RYR2: variants seen among roughly 807,000 people sequenced by gnomAD.
RYR2 encodes the protein ryanodine receptor 2.
A neutral mutation model predicts 601.1 loss-of-function variants in RYR2; 227 were observed. That is an observed-to-expected ratio of 0.38 (90% CI 0.34 to 0.42). The LOEUF (loss-of-function observed/expected upper bound fraction) is 0.42, where lower values mean the gene tolerates loss of function less well. RYR2 is among the 10% of genes least tolerant of loss of function. The pLI is 1.00. For synonymous variants in RYR2, 2,223 were observed against 2,175.1 expected (o/e 1.02, Z -0.61); for missense variants, 4,646 against 6,156.5 (o/e 0.75, Z 8.21).
chr1:237,755,916 C>T (rs1273689849), intron 80 of RYR2, among the ~76,000 whole-genome samples: 3 of 152,096 alleles, frequency 2.0e-5, no homozygotes, highest in African/African-American at 7.2e-5. Flanking sequence ...ATGGCCATGG[C>T]ATGGGAGATT....
At chr1:237,474,666 C>G (rs995465895) in intron 17 of RYR2, among the ~76,000 whole-genome samples, 9 of 152,106 alleles carry the variant, frequency 5.9e-5, no homozygotes, top group African/African-American at 2.2e-4. Flanking sequence ...AGCTAAACTC[C>G]CTGGGAGAGC....
intron 73 of RYR2, among the ~76,000 whole-genome samples, chr1:237,720,422 T>G (rs1029532168): frequency 3.3e-5 from 5 of 152,254 alleles, no homozygotes; most frequent in African/African-American, 1.2e-4. Flanking sequence ...AGAGCAAATT[T>G]CATGTGAAGT....
intron 34 of RYR2, among the ~76,000 whole-genome samples, chr1:237,601,618 G>T (rs1676513838): frequency 6.6e-6 from 1 of 152,100 alleles, no homozygotes; most frequent in Non-Finnish European, 1.5e-5. Flanking sequence ...AATGAAAAAT[G>T]TTCAAAGTGA....
intron 63 of RYR2, among the ~76,000 whole-genome samples, chr1:237,693,912 T>G (rs1687172062): frequency 6.6e-6 from 1 of 152,196 alleles, no homozygotes; most frequent in Admixed American, 6.5e-5. Context: ...CTGTCTTATC[T>G]CAGAAGTTAT....
chr1:237,658,080 A>G, intron 54 of RYR2, 58 bp downstream of exon 54: 1 of 988,298 alleles, frequency 1.0e-6, no homozygotes. Flanking sequence ...GTCACTGTTC[A>G]AATATTTCTG....
At chr1:237,522,853 CTGAATGCA>C (rs1444268420) in intron 24 of RYR2, among the ~76,000 whole-genome samples, 1 of 152,104 alleles carries the variant, frequency 6.6e-6, no homozygotes, top group Non-Finnish European at 1.5e-5. Context: ...TAAATATTTA[CTGAATGCA>C]TGTAAGGCCA....
intron 34 of RYR2, among the ~76,000 whole-genome samples, chr1:237,596,547 G>A (rs3891738): frequency 2.6e-5 from 4 of 152,108 alleles, no homozygotes; most frequent in Admixed American, 1.3e-4. Flanking sequence ...AAAGCCTATA[G>A]AACTTATGGG....
At chr1:237,081,235 C>G (rs186216445) in intron 1 of RYR2, among the ~76,000 whole-genome samples, 1,401 of 112,104 alleles carry the variant, frequency 0.012, 24 homozygotes, top group African/African-American at 0.046. Flanking sequence ...ACATATGTAA[C>G]TAACCTGCAC....
intron 36 of RYR2, among the ~76,000 whole-genome samples, chr1:237,612,648 G>GT (rs1488738562): frequency 1.3e-5 from 2 of 151,930 alleles, no homozygotes; most frequent in African/African-American, 4.8e-5. Flanking sequence ...ATCTGATGAT[G>GT]TTTTTTAAGA....
rs745395081 is a variant in RYR2 at position 237,454,587 on chromosome 1, C to G, written c.1476+13C>G. On this transcript the variant is annotated intron_variant, in intron 15 of 104. Transcript: ENST00000366574. Reference sequence around the variant, plus strand: ...CTTCCAGGAAGAGGTCCGTTTCTATCAACACTCATTTCTCTTCTGTTATTC... The same window carrying G: ...CTTCCAGGAAGAGGTCCGTTTCTATGAACACTCATTTCTCTTCTGTTATTC... The G allele has an allele frequency of 6.2e-7, 1 of 1,610,638 alleles. No homozygotes were observed. The highest frequency in any genetic ancestry group is 1.3e-5 in the African/African-American group (1 of 74,830).
In RYR2 at chr1:237,530,310, C is replaced by CAA. The variant is rs34521733; in HGVS notation, c.2823-103_2823-102dup. 22,181 of 580,800 alleles carry CAA rather than the reference C, an allele frequency of 0.038. 2 individuals are homozygous for CAA. Among genetic ancestry groups the CAA allele is most frequent in the East Asian group, 0.055 (1,558 of 28,578 alleles). 36.0% of individuals were successfully genotyped at this position (580,800 alleles called of 1,614,324 possible). On this transcript the variant is annotated intron_variant, in intron 24 of 104. Coordinates refer to ENST00000366574, the MANE Select transcript of RYR2 (RefSeq NM_001035.3). ...TGGGCGACAGAGCGAGACTCCGTCT[C>CAA]AAAAAAAAAAAAAAATTGTGCTTTC...
In RYR2 at chr1:237,563,498, G is replaced by T. The variant is rs551292259; in HGVS notation, c.3215-3069G>T. 2.7e-5 allele frequency among the ~76,000 whole-genome samples: 4 copies of T among 150,014 alleles called. No individual in the cohort carries two copies. The South Asian group carries it at 6.3e-4, about 24-fold the overall frequency. Reference sequence around the variant, plus strand: ...TCCTTTTTTTTTTGTGAAGTCCCTTGCATGATAGTATCTGTGAACCACATG... The same window carrying T: ...TCCTTTTTTTTTTGTGAAGTCCCTTTCATGATAGTATCTGTGAACCACATG... On this transcript the variant is annotated intron_variant, in intron 27 of 104. Coordinates refer to ENST00000366574, the MANE Select transcript of RYR2 (RefSeq NM_001035.3).
Position 237,327,586 on chromosome 1 carries a change from G to A in RYR2, c.169-3292G>A, listed in dbSNP as rs1350128048. On this transcript the variant is annotated intron_variant, in intron 2 of 104. Coordinates refer to ENST00000366574, the MANE Select transcript of RYR2 (RefSeq NM_001035.3). The stretch of plus-strand genomic sequence containing the variant: ...AACATTTTGGATGTTATGAACAGGT[G>A]CAAAATTATAGATTTGTGTTTTCAA... 4.6e-5 allele frequency among the ~76,000 whole-genome samples: 7 copies of A among 152,274 alleles called. No individual in the cohort carries two copies. The East Asian group carries it at 1.3e-3, about 29-fold the overall frequency.
At chr1:237,356,343 C>T (rs1428775560) in intron 4 of RYR2, among the ~76,000 whole-genome samples, 2 of 151,316 alleles carry the variant, frequency 1.3e-5, no homozygotes, top group African/African-American at 4.8e-5. Flanking sequence ...ACTGTTTAAT[C>T]TCAAAATTCC....
chr1:237,093,711 C>T (rs1667211990), intron 1 of RYR2, among the ~76,000 whole-genome samples: 1 of 152,166 alleles, frequency 6.6e-6, no homozygotes, highest in South Asian at 2.1e-4. Context: ...TCTTAATGAG[C>T]AGCTAGAGTA....
At chr1:237,759,536 C>T (rs1693238010) in intron 82 of RYR2, among the ~76,000 whole-genome samples, 1 of 152,144 alleles carries the variant, frequency 6.6e-6, no homozygotes, top group African/African-American at 2.4e-5. Context: ...TATATTACCC[C>T]TGACATTTTT....
intron 104 of RYR2, 29 bp downstream of exon 104, chr1:237,831,594 GA>G (rs1663799552): frequency 2.3e-6 from 3 of 1,323,928 alleles, no homozygotes; most frequent in Non-Finnish European, 2.1e-6. Context: ...GTCATCTTCT[GA>G]AAGAAATGAT....
intron 87 of RYR2, among the ~76,000 whole-genome samples, chr1:237,775,351 T>A (rs1246785248): frequency 6.6e-6 from 1 of 152,202 alleles, no homozygotes; most frequent in East Asian, 1.9e-4. Flanking sequence ...ATTTTGATTT[T>A]ACTAGTTTTT....
chr1:237,137,403 C>T (rs1408949780), intron 1 of RYR2, among the ~76,000 whole-genome samples: 1 of 152,076 alleles, frequency 6.6e-6, no homozygotes, highest in African/African-American at 2.4e-5. Context: ...GTTAAGGCTT[C>T]TAATATCTAC....
Sources: gnomAD v4.1 joint callset for allele counts (sites outside exome capture counted in the v4.1 genomes callset) on GRCh38, gnomAD v4.1.1 for gene constraint, MANE v1.5 for transcripts, NCBI Gene and HGNC (gene_info 2026-07-23, HGNC 2026-07-21) for gene names.